The following EEFSEC variants were observed in gnomAD, a reference collection of about 807,000 sequenced individuals.
EEFSEC encodes selenocysteine-specific elongation factor.
EEFSEC carries 43 observed loss-of-function variants against 42.1 expected under a neutral mutation model. The ratio of observed to expected loss-of-function variants is 1.02; its 90% CI spans 0.80 to 1.32. The LOEUF (loss-of-function observed/expected upper bound fraction) is 1.32, where lower values mean the gene tolerates loss of function less well. EEFSEC is among the 40% of genes most tolerant of loss of function. The probability of loss-of-function intolerance (pLI) is 0.00; values close to 1 mark genes in which losing one functional copy is unlikely to be tolerated. For missense variants in EEFSEC, 745 were observed against 803.6 expected (o/e 0.93, Z 0.88); for synonymous variants, 354 against 339.1 (o/e 1.04, Z -0.48).
Position 128,287,655 on chromosome 3 carries a change from C to T in EEFSEC, c.786+22874C>T, listed in dbSNP as rs537013868. On this transcript the variant is annotated intron_variant, in intron 4 of 6. Transcript: ENST00000254730. ...TTTGGGAAAGCCCATAGGCCAGAGA[C>T]ATCAAAGTGCCGGTAAGAATAGGGT... Among the ~76,000 whole-genome samples the T allele has an allele frequency of 1.6e-4, 25 of 152,350 alleles. 1 individual carries two copies. In the South Asian group the frequency reaches 4.8e-3, roughly 29 times the overall value.
Position 128,398,720 on chromosome 3 carries a change from C to T in EEFSEC, c.1601-9349C>T, listed in dbSNP as rs563037533. Among the ~76,000 whole-genome samples the T allele has an allele frequency of 1.1e-4, 16 of 152,304 alleles. No homozygotes were observed. The East Asian group carries it at 1.5e-3, about 15-fold the overall frequency. ...GAGCTGTCCCGAGAGGCTGGGCAGG[C>T]GCCCCACTCGCAGCTGTGTGAGCCC... On this transcript the variant is annotated intron_variant, in intron 6 of 6. Coordinates refer to ENST00000254730, the MANE Select transcript of EEFSEC (RefSeq NM_021937.5).
intron 4 of EEFSEC, among the ~76,000 whole-genome samples, chr3:128,321,579 T>C (rs995079587): frequency 1.6e-4 from 25 of 152,154 alleles, no homozygotes; most frequent in African/African-American, 5.6e-4. Context: ...CCCTGCTGCC[T>C]GCCCAGGCCA....
intron 5 of EEFSEC, among the ~76,000 whole-genome samples, chr3:128,344,510 C>T (rs1276614505): frequency 6.6e-6 from 1 of 152,192 alleles, no homozygotes; most frequent in Non-Finnish European, 1.5e-5. Flanking sequence ...TGGAAACCAG[C>T]CCAAGAAATG....
At chr3:128,284,458 G>A (rs2066562254) in intron 4 of EEFSEC, among the ~76,000 whole-genome samples, 1 of 151,852 alleles carries the variant, frequency 6.6e-6, no homozygotes, top group African/African-American at 2.4e-5. Flanking sequence ...GGGGTTGGGG[G>A]TGGGGGATGG....
rs372197415 is a variant in EEFSEC at position 128,223,547 on chromosome 3, G to A, written c.317-23289G>A. 1.8e-3 allele frequency among the ~76,000 whole-genome samples: 273 copies of A among 152,224 alleles called. 1 individual carries two copies. The Middle Eastern group carries it at 0.051, about 28-fold the overall frequency. ...TGGTTTGTGTCACTATTGAATTATG[G>A]TATACAACTTGTGATACATATTTCC... On this transcript the variant is annotated intron_variant, in intron 1 of 6. Transcript: ENST00000254730.
At chr3:128,413,425 G>A (rs2068188072), downstream of EEFSEC, among the ~76,000 whole-genome samples, 1 of 152,110 alleles carries the variant, frequency 6.6e-6, no homozygotes, top group Non-Finnish European at 1.5e-5. Context: ...GAGGGCACTG[G>A]GAGGGACAGC....
intron 4 of EEFSEC, among the ~76,000 whole-genome samples, chr3:128,279,431 A>C (rs1473097537): frequency 1.3e-5 from 2 of 152,194 alleles, no homozygotes; most frequent in African/African-American, 4.8e-5. Context: ...CAGACATTCT[A>C]AATGCCTCCT....
chr3:128,373,109 AG>A (rs2067672215), intron 6 of EEFSEC, among the ~76,000 whole-genome samples: 1 of 151,860 alleles, frequency 6.6e-6, no homozygotes, highest in African/African-American at 2.4e-5. Flanking sequence ...TGTCAAGATG[AG>A]GCCCTGAGAA....
chr3:128,188,319 G>A (rs991893038), intron 1 of EEFSEC, among the ~76,000 whole-genome samples: 1 of 152,182 alleles, frequency 6.6e-6, no homozygotes, highest in African/African-American at 2.4e-5. Flanking sequence ...TGTGGGATGA[G>A]GATGCTGCTG....
At position 128,407,444 on chromosome 3, in the gene EEFSEC, T is replaced by C. The variant is rs144919713; in HGVS notation, c.1601-625T>C. ...CTGAGCCGAGGGGGCACTGTGAGAATGGCGTGGGGCAGGGAGCCCCAGCGG... is the reference window on the plus strand; with the variant it reads ...CTGAGCCGAGGGGGCACTGTGAGAACGGCGTGGGGCAGGGAGCCCCAGCGG... On this transcript the variant is annotated intron_variant, in intron 6 of 6. Coordinates refer to ENST00000254730, the MANE Select transcript of EEFSEC (RefSeq NM_021937.5). 9.5e-3 allele frequency among the ~76,000 whole-genome samples: 1,439 copies of C among 152,270 alleles called. 13 individuals carry two copies. Among genetic ancestry groups the C allele is most frequent in the African/African-American group, 0.032 (1,350 of 41,556 alleles).
chr3:128,200,450 G>A (rs945325608), intron 1 of EEFSEC, among the ~76,000 whole-genome samples: 1 of 152,074 alleles, frequency 6.6e-6, no homozygotes, highest in African/African-American at 2.4e-5. Context: ...CACCATGCCC[G>A]GCTAATTTCG....
chr3:128,225,469 G>T (rs1174241648), intron 1 of EEFSEC, among the ~76,000 whole-genome samples: 1 of 152,214 alleles, frequency 6.6e-6, no homozygotes, highest in African/African-American at 2.4e-5. Context: ...TGTGTGTTTT[G>T]AGCCTGTGAC....
chr3:128,163,280 C>G (rs2065209583), intron 1 of EEFSEC, among the ~76,000 whole-genome samples: 1 of 151,752 alleles, frequency 6.6e-6, no homozygotes, highest in Admixed American at 6.6e-5. Flanking sequence ...TGGAGTGAGT[C>G]CTCGTTCTTC....
chr3:128,402,162 G>T (rs1404087875), intron 6 of EEFSEC, among the ~76,000 whole-genome samples: 3 of 152,170 alleles, frequency 2.0e-5, no homozygotes, highest in Non-Finnish European at 4.4e-5. Context: ...GAAGCCTTGG[G>T]AAATACATAA....
chr3:128,319,904 A>G (rs1474172878), intron 4 of EEFSEC, among the ~76,000 whole-genome samples: 2 of 152,232 alleles, frequency 1.3e-5, no homozygotes, highest in Non-Finnish European at 1.5e-5. Context: ...AGACACGCTC[A>G]GTTCTGCCGC....
intron 6 of EEFSEC, among the ~76,000 whole-genome samples, chr3:128,393,893 G>A (rs11710877): frequency 2.6e-5 from 4 of 152,228 alleles, no homozygotes; most frequent in Non-Finnish European, 4.4e-5. Context: ...TGGGCATTGG[G>A]GACCCATTTG....
intron 6 of EEFSEC, among the ~76,000 whole-genome samples, chr3:128,400,767 C>G (rs1177511157): frequency 6.6e-6 from 1 of 152,234 alleles, no homozygotes; most frequent in Admixed American, 6.5e-5. Context: ...ATGGCCATGT[C>G]AGGGCGGCAC....
intron 1 of EEFSEC, among the ~76,000 whole-genome samples, chr3:128,209,183 T>C (rs1257658865): frequency 1.3e-5 from 2 of 152,220 alleles, no homozygotes; most frequent in Non-Finnish European, 2.9e-5. Context: ...CAGCAATTGC[T>C]CTCACCCCTT....
Position 128,341,566 on chromosome 3 carries a change from CT to C in EEFSEC, c.1124del (p.Phe375SerfsTer10). 6.2e-7 allele frequency: 1 copy of C among 1,614,090 alleles called. No individual in the cohort carries two copies. The highest frequency in any genetic ancestry group is 1.3e-5 in the African/African-American group (1 of 75,060). Reference sequence around the variant, plus strand: ...CTCTTTCAACTTCTCTCAAGAATACCTTTTCCAGGAGCAGTACCTGTCCAAG... The same window carrying C: ...CTCTTTCAACTTCTCTCAAGAATACCTTTCCAGGAGCAGTACCTGTCCAAG... ...LDSFNFSQEY[L>X]FQEQYLSKDL... On this transcript the variant is annotated frameshift_variant, in exon 5 of 7. Transcript: ENST00000254730. LOFTEE classifies it high-confidence loss of function.
Sources: gnomAD v4.1 joint callset for allele counts (sites outside exome capture counted in the v4.1 genomes callset) on GRCh38, gnomAD v4.1.1 for gene constraint, MANE v1.5 for transcripts, NCBI Gene and HGNC (gene_info 2026-07-23, HGNC 2026-07-21) for gene names.